Variants in CADM1 observed in about 807,000 individuals in gnomAD.
The protein encoded by CADM1 is cell adhesion molecule 1, also known as TSLC-1.
CADM1 carries 15 observed loss-of-function variants against 53.1 expected under a neutral mutation model. The observed-to-expected ratio is 0.28, with a 90% CI of 0.19 to 0.44. The LOEUF is 0.44. Ranked by LOEUF, CADM1 falls within the 20% of genes least tolerant of loss-of-function variation. The probability of loss-of-function intolerance (pLI) is 1.00; values close to 1 mark genes in which losing one functional copy is unlikely to be tolerated. For missense variants in CADM1, 434 were observed against 611.3 expected, an observed-to-expected ratio of 0.71 and a Z score of 3.06; for synonymous variants, 281 against 243.0, an observed-to-expected ratio of 1.16 and a Z score of -1.45.
chr11:115,169,930 A>C lies in CADM1; in HGVS notation c.*6544T>G, dbSNP rs980244817. The C allele has an allele frequency of 4.4e-6, 1 of 226,694 alleles. No individual in the cohort carries two copies. The highest frequency in any genetic ancestry group is 2.3e-5 in the African/African-American group (1 of 44,340). The allele number at this position is 226,694 out of a possible 1,614,324, so 14.0% of individuals were successfully genotyped here. On this transcript the variant is annotated 3_prime_UTR_variant, in exon 12 of 12. Coordinates refer to ENST00000331581, the MANE Select transcript of CADM1 (RefSeq NM_001301043.2). Reference sequence around the variant, plus strand: ...TATTTGCTTGCTATTAAAGGCCTGCATTAGGCTCTTCCAACACCAGCTCTG... The same window carrying C: ...TATTTGCTTGCTATTAAAGGCCTGCCTTAGGCTCTTCCAACACCAGCTCTG...
At chr11:115,459,595 C>A (rs116777950) in intron 1 of CADM1, among the ~76,000 whole-genome samples, 1 of 152,286 alleles carries the variant, frequency 6.6e-6, no homozygotes, top group African/African-American at 2.4e-5. Flanking sequence ...TAAGGAGGCT[C>A]TTACTTCCCT....
chr11:115,235,523 T>C (rs1322371810), intron 3 of CADM1, among the ~76,000 whole-genome samples: 1 of 152,176 alleles, frequency 6.6e-6, no homozygotes, highest in Non-Finnish European at 1.5e-5. Flanking sequence ...GAAAATCACA[T>C]AGAGGGAAAT....
intron 6 of CADM1, 26 bp downstream of exon 6, chr11:115,217,866 T>G (rs1322640638): frequency 1.4e-6 from 2 of 1,477,860 alleles, no homozygotes; most frequent in South Asian, 2.3e-5. Context: ...CATGACCCTC[T>G]GCCAACTTTG....
intron 1 of CADM1, among the ~76,000 whole-genome samples, chr11:115,325,203 TCC>T (rs1282928398): frequency 6.6e-6 from 1 of 152,216 alleles, no homozygotes; most frequent in East Asian, 1.9e-4. Context: ...TTAGATTATC[TCC>T]CCAGAGGGCT....
chr11:115,307,696 T>C (rs963847865), intron 1 of CADM1, among the ~76,000 whole-genome samples: 9 of 151,788 alleles, frequency 5.9e-5, no homozygotes, highest in African/African-American at 2.2e-4. Context: ...CTTTAAAACT[T>C]TGAAGAAAAA....
Position 115,197,929 on chromosome 11 carries a change from C to T in CADM1, c.1111+477G>A, listed in dbSNP as rs571356881. On this transcript the variant is annotated intron_variant, in intron 9 of 11. Coordinates refer to ENST00000331581, the MANE Select transcript of CADM1 (RefSeq NM_001301043.2). Reference sequence around the variant, plus strand: ...AATGACCTTCCTCATCAGAAGCTCACGATTTTAAACAGGAATCTTCTTCCC... The same window carrying T: ...AATGACCTTCCTCATCAGAAGCTCATGATTTTAAACAGGAATCTTCTTCCC... Among the ~76,000 whole-genome samples, 18 of 152,282 alleles carry T rather than the reference C, an allele frequency of 1.2e-4. No individual in the cohort carries two copies. In the East Asian group the frequency reaches 3.3e-3, roughly 28 times the overall value.
chr11:115,186,441 G>A (rs553392180), intron 10 of CADM1, among the ~76,000 whole-genome samples: 6 of 152,184 alleles, frequency 3.9e-5, no homozygotes, highest in Admixed American at 6.5e-5. Context: ...CCCCGGGTGC[G>A]CACAGTGAAT....
intron 1 of CADM1, among the ~76,000 whole-genome samples, chr11:115,261,113 T>C (rs944557765): frequency 2.0e-5 from 3 of 152,160 alleles, no homozygotes. Flanking sequence ...TACCATGAGG[T>C]AGGCTAAATG....
intron 1 of CADM1, among the ~76,000 whole-genome samples, chr11:115,347,255 C>G (rs1945604648): frequency 6.6e-6 from 1 of 152,154 alleles, no homozygotes; most frequent in Non-Finnish European, 1.5e-5. Context: ...ACTAGCCCCC[C>G]CAACTGCTTC....
chr11:115,254,943 T>C (rs1304336196), intron 1 of CADM1, among the ~76,000 whole-genome samples: 2 of 152,036 alleles, frequency 1.3e-5, no homozygotes, highest in South Asian at 4.2e-4. Context: ...ATACCTTCTA[T>C]GTAGAGAGGG....
intron 11 of CADM1, 103 bp from the exon 12 acceptor site, chr11:115,176,695 G>A (rs1939045423): frequency 2.1e-6 from 2 of 965,990 alleles, no homozygotes; most frequent in Admixed American, 1.7e-5. Context: ...CCGAAGTGGT[G>A]TGCAGGCAGC....
At chr11:115,406,246 C>T (rs1591786956) in intron 1 of CADM1, among the ~76,000 whole-genome samples, 1 of 152,020 alleles carries the variant, frequency 6.6e-6, no homozygotes, top group Non-Finnish European at 1.5e-5. Flanking sequence ...TATATTCACT[C>T]GCTTCCTTAA....
intron 1 of CADM1, among the ~76,000 whole-genome samples, chr11:115,252,559 T>A (rs529355229): frequency 1.3e-5 from 2 of 152,324 alleles, no homozygotes; most frequent in East Asian, 1.9e-4. Context: ...AAATAGCAGA[T>A]GAGGGCAGAG....
At chr11:115,346,699 C>G (rs1000210390) in intron 1 of CADM1, among the ~76,000 whole-genome samples, 20 of 152,142 alleles carry the variant, frequency 1.3e-4, no homozygotes, top group African/African-American at 4.8e-4. Context: ...GAGAGAGGCC[C>G]GGATCAAGCC....
intron 1 of CADM1, 28 bp downstream of exon 1, chr11:115,504,243 G>A: frequency 6.4e-7 from 1 of 1,565,900 alleles, no homozygotes; most frequent in South Asian, 1.2e-5. Flanking sequence ...GGAGATTTAG[G>A]GGCCAACCGG....
chr11:115,362,888 T>C (rs978367119), intron 1 of CADM1, among the ~76,000 whole-genome samples: 2 of 152,204 alleles, frequency 1.3e-5, no homozygotes, highest in Non-Finnish European at 2.9e-5. Flanking sequence ...AATTCTATTA[T>C]AAGTCTACCT....
At chr11:115,177,700 C>T (rs4468381) in intron 11 of CADM1, among the ~76,000 whole-genome samples, 41,046 of 151,278 alleles carry the variant, frequency 0.27, 7,010 homozygotes, top group African/African-American at 0.49. Context: ...AGGCTGGGAG[C>T]TCTTGGCCAA....
At chr11:115,441,443 A>G (rs1392249696) in intron 1 of CADM1, among the ~76,000 whole-genome samples, 1 of 152,240 alleles carries the variant, frequency 6.6e-6, no homozygotes, top group African/African-American at 2.4e-5. Context: ...TTTAATAATG[A>G]TAACTGTAAC....
At chr11:115,204,741 A>G (rs956906346) in intron 8 of CADM1, among the ~76,000 whole-genome samples, 4 of 152,224 alleles carry the variant, frequency 2.6e-5, no homozygotes, top group South Asian at 2.1e-4. Context: ...TATTCTATAC[A>G]TATCACTGAA....
Sources: gnomAD v4.1 joint callset for allele counts (sites outside exome capture counted in the v4.1 genomes callset) on GRCh38, gnomAD v4.1.1 for gene constraint, MANE v1.5 for transcripts, NCBI Gene and HGNC (gene_info 2026-07-23, HGNC 2026-07-21) for gene names.